KCNIP4: variants seen among roughly 807,000 people sequenced by gnomAD.
KCNIP4 encodes Kv channel-interacting protein 4.
KCNIP4 carries 12 observed loss-of-function variants against 34.0 expected under a neutral mutation model. The observed-to-expected ratio is 0.35, with a 90% CI of 0.23 to 0.57. The LOEUF is 0.57. Among genes scored for constraint, KCNIP4 ranks in the 20% least tolerant of loss-of-function variants. KCNIP4 has a pLI of 0.83. For synonymous variants in KCNIP4, 124 were observed against 102.2 expected (o/e 1.21, Z -1.29); for missense variants, 238 against 311.7 (o/e 0.76, Z 1.78).
chr4:21,752,757 G>A (rs980762523), intron 1 of KCNIP4, among the ~76,000 whole-genome samples: 40 of 152,082 alleles, frequency 2.6e-4, no homozygotes, highest in African/African-American at 8.0e-4. Flanking sequence ...CTAGGATTTT[G>A]TTTTGTTTTG....
intron 1 of KCNIP4, among the ~76,000 whole-genome samples, chr4:21,611,896 T>C (rs1744190345): frequency 6.6e-6 from 1 of 152,188 alleles, no homozygotes; most frequent in African/African-American, 2.4e-5. Context: ...CATGTTAGGA[T>C]AAAGATCAGG....
In KCNIP4 at chr4:21,831,098, C is replaced by A. The variant is rs890051071; in HGVS notation, c.61+117473G>T. ...AACTAAAAGGCAAATTTTAAAATAT[C>A]TTGAGACTTACAAAAAATGGAAACA... On this transcript the variant is annotated intron_variant, in intron 1 of 8. Coordinates refer to ENST00000382152, the MANE Select transcript of KCNIP4 (RefSeq NM_025221.6). Among the ~76,000 whole-genome samples the A allele has an allele frequency of 4.6e-5, 7 of 152,088 alleles. No homozygotes were observed. In the East Asian group the frequency reaches 1.4e-3, roughly 29 times the overall value.
intron 1 of KCNIP4, among the ~76,000 whole-genome samples, chr4:21,169,817 C>T (rs956222779): frequency 3.9e-5 from 6 of 152,048 alleles, no homozygotes; most frequent in Admixed American, 6.6e-5. Flanking sequence ...GCCTTTGGTC[C>T]TGATTTTCTG....
chr4:21,898,075 A>C (rs1007898489), intron 1 of KCNIP4, among the ~76,000 whole-genome samples: 2 of 151,302 alleles, frequency 1.3e-5, no homozygotes, highest in African/African-American at 4.9e-5. Flanking sequence ...GGATGGAGGG[A>C]GCATCTAGAC....
chr4:21,136,382 G>T (rs573610101), intron 1 of KCNIP4, among the ~76,000 whole-genome samples: 1 of 152,242 alleles, frequency 6.6e-6, no homozygotes, highest in South Asian at 2.1e-4. Context: ...AAGTACACAC[G>T]CACAATCTTG....
At chr4:21,686,869 C>T (rs1002399648) in intron 1 of KCNIP4, among the ~76,000 whole-genome samples, 20 of 151,134 alleles carry the variant, frequency 1.3e-4, no homozygotes, top group African/African-American at 2.7e-4. Flanking sequence ...CACATGCACA[C>T]GTATGTTTAT....
chr4:21,121,340 C>G (rs1056239995), intron 1 of KCNIP4, among the ~76,000 whole-genome samples: 1 of 152,112 alleles, frequency 6.6e-6, no homozygotes, highest in Non-Finnish European at 1.5e-5. Context: ...GTATTAAATC[C>G]TGGTTTTCTT....
chr4:21,655,417 G>A (rs1297568986), intron 1 of KCNIP4, among the ~76,000 whole-genome samples: 2 of 152,002 alleles, frequency 1.3e-5, no homozygotes, highest in Admixed American at 1.3e-4. Context: ...GAGAGACCAC[G>A]AGTCTAAAGG....
At chr4:21,254,927 C>T (rs369934016) in intron 1 of KCNIP4, among the ~76,000 whole-genome samples, 2 of 152,156 alleles carry the variant, frequency 1.3e-5, no homozygotes, top group Non-Finnish European at 2.9e-5. Flanking sequence ...TCGCAGTCAC[C>T]AGATAATCAC....
At position 21,802,056 on chromosome 4, in the gene KCNIP4, T is replaced by C. The variant is rs566844233; in HGVS notation, c.61+146515A>G. ...TCTTCATGGGAGAAAGAATGTTTAA[T>C]GAGAATGGGAATTAATATTAATATT... On this transcript the variant is annotated intron_variant, in intron 1 of 8. Coordinates refer to ENST00000382152, the MANE Select transcript of KCNIP4 (RefSeq NM_025221.6). 2.6e-5 allele frequency among the ~76,000 whole-genome samples: 4 copies of C among 151,554 alleles called. No individual in the cohort carries two copies. In the East Asian group the frequency reaches 5.8e-4, roughly 22 times the overall value.
chr4:21,395,127 G>A (rs780997222), intron 1 of KCNIP4, among the ~76,000 whole-genome samples: 13 of 152,108 alleles, frequency 8.5e-5, no homozygotes, highest in Non-Finnish European at 1.6e-4. Flanking sequence ...TTTGAAATTC[G>A]ACAAATGCAG....
intron 4 of KCNIP4, 115 bp downstream of exon 4, chr4:20,758,702 CATTA>C (rs1754688930): frequency 2.6e-6 from 2 of 761,516 alleles, no homozygotes; most frequent in African/African-American, 3.5e-5. Context: ...GCATGCTGTG[CATTA>C]ATTCTTTTAC....
In KCNIP4 at chr4:21,932,362, T is replaced by C. The variant is rs1172671303; in HGVS notation, c.61+16209A>G. The stretch of plus-strand genomic sequence containing the variant: ...CAGCTGGAACAGGAACAACAGTAAC[T>C]GGCCTGAAGCCTTGAGGAAGGATGA... On this transcript the variant is annotated intron_variant, in intron 1 of 8. Coordinates refer to ENST00000382152, the MANE Select transcript of KCNIP4 (RefSeq NM_025221.6). Among the ~76,000 whole-genome samples the C allele has an allele frequency of 2.0e-5, 3 of 152,238 alleles. No individual in the cohort carries two copies. In the South Asian group the frequency reaches 6.2e-4, roughly 31 times the overall value.
intron 1 of KCNIP4, among the ~76,000 whole-genome samples, chr4:21,065,791 T>C (rs1233202257): frequency 2.9e-5 from 4 of 140,158 alleles, no homozygotes; most frequent in Non-Finnish European, 4.6e-5. Flanking sequence ...TAAAAAATAG[T>C]AAAAGCAAAC....
intron 1 of KCNIP4, among the ~76,000 whole-genome samples, chr4:21,482,583 CTGCA>C (rs554229926): frequency 1.3e-3 from 204 of 152,228 alleles, no homozygotes; most frequent in African/African-American, 4.8e-3. Flanking sequence ...TTTAGTTTGG[CTGCA>C]TATGAAATTC....
intron 1 of KCNIP4, among the ~76,000 whole-genome samples, chr4:20,946,593 C>T (rs1732216909): frequency 6.6e-6 from 1 of 152,166 alleles, no homozygotes; most frequent in African/African-American, 2.4e-5. Context: ...GCACGCAGCA[C>T]AGGTTAATAG....
intron 2 of KCNIP4, among the ~76,000 whole-genome samples, chr4:20,852,768 T>A (rs758954248): frequency 6.6e-6 from 1 of 152,168 alleles, no homozygotes; most frequent in African/African-American, 2.4e-5. Flanking sequence ...GATAAAAGAA[T>A]TCAGTGAAGT....
intron 1 of KCNIP4, among the ~76,000 whole-genome samples, chr4:21,932,234 A>G (rs1264125182): frequency 6.6e-6 from 1 of 152,082 alleles, no homozygotes; most frequent in Non-Finnish European, 1.5e-5. Flanking sequence ...TCCGTAACTG[A>G]TACATGTGTC....
At chr4:21,157,553 G>A (rs747286485) in intron 1 of KCNIP4, among the ~76,000 whole-genome samples, 1 of 152,154 alleles carries the variant, frequency 6.6e-6, no homozygotes, top group South Asian at 2.1e-4. Flanking sequence ...TGGAATGAAT[G>A]AGATGAGCCC....
Sources: allele counts gnomAD v4.1 joint callset (sites outside exome capture counted in the v4.1 genomes callset), GRCh38; gene constraint gnomAD v4.1.1; transcripts MANE v1.5; gene names NCBI Gene and HGNC (gene_info 2026-07-23, HGNC 2026-07-21).